C2CD3: variants seen among roughly 807,000 people sequenced by gnomAD.
C2CD3 encodes the protein C2 domain-containing protein 3.
Under a neutral mutation model 234.0 loss-of-function variants are expected in C2CD3, and 148 were observed. That is an observed-to-expected ratio of 0.63 (90% CI 0.55 to 0.72). The LOEUF is 0.72. Ranked by LOEUF, C2CD3 falls within the 30% of genes least tolerant of loss-of-function variation. C2CD3 has a pLI of 0.00. For missense variants in C2CD3, 2,577 were observed against 2,811.5 expected, an observed-to-expected ratio of 0.92 and a Z score of 1.89; for synonymous variants, 1,000 against 1,035.4, an observed-to-expected ratio of 0.97 and a Z score of 0.66.
intron 16 of C2CD3, among the ~76,000 whole-genome samples, chr11:74,095,917 T>A (rs930610493): frequency 6.6e-6 from 1 of 152,204 alleles, no homozygotes. Context: ...GACAGTGGCA[T>A]CCACGATTCC....
intron 8 of C2CD3, among the ~76,000 whole-genome samples, chr11:74,121,879 G>A (rs985624583): frequency 2.0e-5 from 3 of 152,046 alleles, no homozygotes; most frequent in South Asian, 2.1e-4. Context: ...TGTCTTTCCC[G>A]TCCACCACCT....
chr11:74,157,091 G>C (rs1856084316), intron 3 of C2CD3, among the ~76,000 whole-genome samples: 1 of 152,008 alleles, frequency 6.6e-6, no homozygotes, highest in South Asian at 2.1e-4. Flanking sequence ...ATTTTCCTTT[G>C]TCATCAATCC....
intron 31 of C2CD3, among the ~76,000 whole-genome samples, chr11:74,030,000 C>A (rs1014100057): frequency 6.6e-6 from 1 of 152,176 alleles, no homozygotes; most frequent in African/African-American, 2.4e-5. Context: ...AAGTGATCCT[C>A]CCACCTTGGC....
intron 29 of C2CD3, among the ~76,000 whole-genome samples, chr11:74,039,425 A>G (rs965939580): frequency 6.6e-6 from 1 of 152,218 alleles, no homozygotes; most frequent in Admixed American, 6.5e-5. Flanking sequence ...TCTAGATAGT[A>G]GTTCTGAAAG....
intron 24 of C2CD3, among the ~76,000 whole-genome samples, chr11:74,072,692 C>T (rs1266796435): frequency 2.0e-5 from 3 of 147,376 alleles, no homozygotes; most frequent in Non-Finnish European, 4.5e-5. Flanking sequence ...ATGTAATCTC[C>T]ACAGGGCACA....
chr11:74,025,421 C>A (rs973243501), intron 32 of C2CD3, among the ~76,000 whole-genome samples: 1 of 152,058 alleles, frequency 6.6e-6, no homozygotes. Flanking sequence ...CATGGTGAAA[C>A]CCTGTCTGTC....
chr11:74,096,485 G>GAA (rs59538617), intron 16 of C2CD3, among the ~76,000 whole-genome samples: 2 of 149,810 alleles, frequency 1.3e-5, no homozygotes, highest in Admixed American at 1.3e-4. Flanking sequence ...AAAAAAAATT[G>GAA]AAAAAAAAAA....
intron 17 of C2CD3, among the ~76,000 whole-genome samples, chr11:74,094,489 A>G (rs1461640008): frequency 6.6e-6 from 1 of 152,216 alleles, no homozygotes; most frequent in Admixed American, 6.5e-5. Flanking sequence ...ATTCTGGAAC[A>G]TACACCGAAT....
chr11:74,084,305 CA>C (rs1955537183), intron 22 of C2CD3, among the ~76,000 whole-genome samples: 1 of 151,708 alleles, frequency 6.6e-6, no homozygotes, highest in Non-Finnish European at 1.5e-5. Flanking sequence ...GGGTGGAGGG[CA>C]GGGGGAGGGA....
intron 2 of C2CD3, chr11:74,164,777 A>G (rs1307967778): frequency 1.3e-5 from 2 of 152,236 alleles, no homozygotes; most frequent in Non-Finnish European, 2.9e-5. Context: ...GGTAAAATAG[A>G]TATGAAGAAA....
chr11:74,131,310 G>A (rs1389503066), intron 7 of C2CD3, among the ~76,000 whole-genome samples: 1 of 148,016 alleles, frequency 6.8e-6, no homozygotes, highest in Non-Finnish European at 1.5e-5. Flanking sequence ...GTGATACAGT[G>A]AGACTCGGTC....
intron 29 of C2CD3, among the ~76,000 whole-genome samples, chr11:74,041,476 G>A (rs1474097371): frequency 6.6e-6 from 1 of 152,196 alleles, no homozygotes; most frequent in African/African-American, 2.4e-5. Flanking sequence ...GGAAATTGCA[G>A]CTCTTACTAC....
intron 3 of C2CD3, among the ~76,000 whole-genome samples, chr11:74,156,978 C>T (rs989034318): frequency 6.6e-6 from 1 of 152,096 alleles, no homozygotes; most frequent in Admixed American, 6.5e-5. Context: ...CTCAAAAAAA[C>T]CCCAAAGAAA....
At chr11:74,121,608 C>CAAAAAAA (rs369249513) in intron 8 of C2CD3, among the ~76,000 whole-genome samples, 1 of 62,234 alleles carries the variant, frequency 1.6e-5, no homozygotes, top group Non-Finnish European at 3.8e-5. Flanking sequence ...GACTCCGTCT[C>CAAAAAAA]AAAAAAAAAA....
chr11:74,057,526 C>T lies in C2CD3; in HGVS notation c.4970G>A (p.Arg1657Gln), dbSNP rs144359377. Residue 1657 changes from arginine (R) to glutamine (Q), a missense_variant, in exon 25 of 33, where the codon CGG becomes CAG. Physicochemically the swap from Arg to Gln is conservative, Grantham distance 43 (BLOSUM62 1). Transcript: ENST00000334126. ...LSLKGSPLTE[R>Q]KVSIPSCCVS... ...ACAACAACTGGGTATCGATACTTTC[C>T]GCTCTGTCAAGGGGCTCCCTGAAAT... 93 of 1,614,102 alleles carry T rather than the reference C, an allele frequency of 5.8e-5. No individual in the cohort carries two copies. The highest frequency in any genetic ancestry group is 5.6e-4 in the African/African-American group (42 of 75,016).
intron 31 of C2CD3, among the ~76,000 whole-genome samples, 153 bp downstream of exon 31, chr11:74,033,198 C>T (rs1260317454): frequency 6.6e-6 from 1 of 152,190 alleles, no homozygotes; most frequent in East Asian, 1.9e-4. Flanking sequence ...AATGGTAAAA[C>T]TGTAGCACCT....
chr11:74,025,489 T>C (rs1416411374), intron 32 of C2CD3, among the ~76,000 whole-genome samples: 2 of 152,022 alleles, frequency 1.3e-5, no homozygotes, highest in Non-Finnish European at 2.9e-5. Context: ...TTACTAAAAA[T>C]ACTAAAAATG....
chr11:74,035,709 G>GTT (rs549044277), intron 30 of C2CD3, among the ~76,000 whole-genome samples: 12 of 143,524 alleles, frequency 8.4e-5, no homozygotes, highest in African/African-American at 2.0e-4. Context: ...GGCTTTTGCT[G>GTT]TTTTTTTTTT....
At position 74,144,241 on chromosome 11, in the gene C2CD3, CA is replaced by C. The variant is rs1224290541; in HGVS notation, c.484-4414del. Among the ~76,000 whole-genome samples the C allele has an allele frequency of 4.6e-5, 7 of 152,036 alleles. No homozygotes were observed. In the East Asian group the frequency reaches 1.2e-3, roughly 25 times the overall value. ...TATCCAACTAAATCAGTTGAGGGGC[CA>C]GGGGAAAAAAAGGGCTCAGGGTATA... On this transcript the variant is annotated intron_variant, in intron 3 of 32. Coordinates refer to ENST00000334126, the MANE Select transcript of C2CD3 (RefSeq NM_001286577.2).
Sources: allele counts gnomAD v4.1 joint callset (sites outside exome capture counted in the v4.1 genomes callset), GRCh38; gene constraint gnomAD v4.1.1; transcripts MANE v1.5; gene names NCBI Gene and HGNC (gene_info 2026-07-23, HGNC 2026-07-21).